The following FRMD3 variants were observed in gnomAD, a reference collection of about 807,000 sequenced individuals.
The protein encoded by FRMD3 is FERM domain containing 3.
FRMD3 carries 33 observed loss-of-function variants against 70.2 expected under a neutral mutation model. The observed-to-expected ratio is 0.47, with a 90% CI of 0.36 to 0.63. The LOEUF (loss-of-function observed/expected upper bound fraction) is 0.63, where lower values mean the gene tolerates loss of function less well. Among genes scored for constraint, FRMD3 ranks in the 20% least tolerant of loss-of-function variants. The pLI is 0.00. For missense variants in FRMD3, 632 were observed against 711.4 expected (o/e 0.89, Z 1.27); for synonymous variants, 279 against 255.9 (o/e 1.09, Z -0.86).
At chr9:83,434,055 C>T (rs1417634925) in intron 1 of FRMD3, among the ~76,000 whole-genome samples, 1 of 152,214 alleles carries the variant, frequency 6.6e-6, no homozygotes, top group Non-Finnish European at 1.5e-5. Flanking sequence ...GTCTGGAGCT[C>T]CAAGCCTGAA....
At chr9:83,407,503 T>A (rs564491109) in intron 1 of FRMD3, among the ~76,000 whole-genome samples, 1 of 152,112 alleles carries the variant, frequency 6.6e-6, no homozygotes, top group African/African-American at 2.4e-5. Flanking sequence ...GGCTCCACAA[T>A]CCCTACCCTC....
chr9:83,340,079 A>G (rs1587742840), intron 5 of FRMD3, among the ~76,000 whole-genome samples: 1 of 152,128 alleles, frequency 6.6e-6, no homozygotes, highest in South Asian at 2.1e-4. Flanking sequence ...GGTGGTGCAC[A>G]CCTGTAATCC....
chr9:83,299,494 A>C (rs967099955), intron 10 of FRMD3, among the ~76,000 whole-genome samples: 9 of 152,178 alleles, frequency 5.9e-5, no homozygotes, highest in Admixed American at 5.2e-4. Flanking sequence ...GGCAGTGATG[A>C]TCAGAAGGAA....
chr9:83,356,436 C>T lies in FRMD3; in HGVS notation c.296-6679G>A, dbSNP rs1824345275. 3.3e-5 allele frequency among the ~76,000 whole-genome samples: 5 copies of T among 151,810 alleles called. No homozygotes were observed. The South Asian group carries it at 8.3e-4, about 25-fold the overall frequency. On this transcript the variant is annotated intron_variant, in intron 3 of 13. Coordinates refer to ENST00000304195, the MANE Select transcript of FRMD3 (RefSeq NM_174938.6). Reference sequence around the variant, plus strand: ...GACTACAGGCACCCGCCACCACTTCCGGCTAATTTTTTTGTATTTTTAGTA... The same window carrying T: ...GACTACAGGCACCCGCCACCACTTCTGGCTAATTTTTTTGTATTTTTAGTA...
At chr9:83,347,830 T>A (rs1824012316) in intron 4 of FRMD3, among the ~76,000 whole-genome samples, 3 of 152,180 alleles carry the variant, frequency 2.0e-5, no homozygotes, top group Non-Finnish European at 4.4e-5. Flanking sequence ...CTCAATTCGT[T>A]TAGAATTCTA....
intron 1 of FRMD3, among the ~76,000 whole-genome samples, chr9:83,502,881 C>T (rs1040096925): frequency 3.9e-5 from 6 of 152,156 alleles, no homozygotes; most frequent in Non-Finnish European, 8.8e-5. Context: ...TTCCAGTGCA[C>T]CATGTGGCTT....
At chr9:83,387,963 T>C (rs896107352) in intron 2 of FRMD3, among the ~76,000 whole-genome samples, 3 of 152,132 alleles carry the variant, frequency 2.0e-5, no homozygotes, top group Non-Finnish European at 4.4e-5. Context: ...GAACCAGTGT[T>C]ACTCAGTAAA....
intron 13 of FRMD3, among the ~76,000 whole-genome samples, chr9:83,281,866 T>C (rs945062171): frequency 6.6e-6 from 1 of 152,198 alleles, no homozygotes; most frequent in African/African-American, 2.4e-5. Context: ...TGGCATGCTG[T>C]GCTGGAAAAC....
chr9:83,332,020 C>T (rs1043623943), intron 6 of FRMD3: 19 of 650,178 alleles, frequency 2.9e-5, no homozygotes, highest in Non-Finnish European at 5.3e-5. Flanking sequence ...AAGTTTCTGA[C>T]TTCCCTGAGT....
the FRMD3 span, among the ~76,000 whole-genome samples, chr9:83,570,655 GA>G: frequency 6.6e-6 from 1 of 152,184 alleles, no homozygotes; most frequent in East Asian, 1.9e-4. Context: ...GTTAGCAATG[GA>G]AAGGATTTGA....
At chr9:83,553,717 T>C in the FRMD3 span, among the ~76,000 whole-genome samples, 1 of 152,216 alleles carries the variant, frequency 6.6e-6, no homozygotes, top group Non-Finnish European at 1.5e-5. Context: ...CCCATTAGGA[T>C]CTCTTTATAC....
intron 1 of FRMD3, among the ~76,000 whole-genome samples, chr9:83,508,995 C>G (rs1322312343): frequency 7.0e-6 from 1 of 142,068 alleles, no homozygotes; most frequent in African/African-American, 2.5e-5. Context: ...ACCCCCAATG[C>G]CTTTCCTTCC....
chr9:83,324,657 T>C (rs1304524345), intron 6 of FRMD3, among the ~76,000 whole-genome samples: 1 of 152,210 alleles, frequency 6.6e-6, no homozygotes, highest in African/African-American at 2.4e-5. Flanking sequence ...TATCTTGTAC[T>C]AAACTCCACA....
chr9:83,484,063 GC>G (rs1189223525), intron 1 of FRMD3, among the ~76,000 whole-genome samples: 4 of 152,164 alleles, frequency 2.6e-5, no homozygotes, highest in Non-Finnish European at 5.9e-5. Context: ...AAATTTCAGA[GC>G]TTAAGGATAG....
chr9:83,272,253 G>A (rs1264434756), intron 13 of FRMD3, among the ~76,000 whole-genome samples: 12 of 150,870 alleles, frequency 8.0e-5, no homozygotes, highest in Admixed American at 4.0e-4. Flanking sequence ...GCAGGCGGGC[G>A]CCGCCACGCC....
At chr9:83,390,441 C>T (rs1370466813) in intron 1 of FRMD3, among the ~76,000 whole-genome samples, 1 of 152,194 alleles carries the variant, frequency 6.6e-6, no homozygotes, top group African/African-American at 2.4e-5. Context: ...CACTGCATCC[C>T]TTCCATAAAC....
chr9:83,354,181 C>T (rs1824262965), intron 3 of FRMD3, among the ~76,000 whole-genome samples: 2 of 152,182 alleles, frequency 1.3e-5, no homozygotes, highest in South Asian at 4.1e-4. Context: ...CTGCCTTGGC[C>T]TCCCAAAGTG....
intron 1 of FRMD3, among the ~76,000 whole-genome samples, chr9:83,430,291 C>G (rs1395497911): frequency 1.3e-5 from 2 of 152,166 alleles, no homozygotes; most frequent in Non-Finnish European, 2.9e-5. Context: ...TCTGCAGCCC[C>G]CTGTAACCTC....
At chr9:83,581,761 C>T in the FRMD3 span, among the ~76,000 whole-genome samples, 1 of 152,092 alleles carries the variant, frequency 6.6e-6, no homozygotes, top group African/African-American at 2.4e-5. Flanking sequence ...CATATTCATA[C>T]AATAGCATAT....
Sources: allele counts gnomAD v4.1 joint callset (sites outside exome capture counted in the v4.1 genomes callset), GRCh38; gene constraint gnomAD v4.1.1; transcripts MANE v1.5; gene names NCBI Gene and HGNC (gene_info 2026-07-23, HGNC 2026-07-21).